PDZD4: variants seen among roughly 807,000 people sequenced by gnomAD.
The protein encoded by PDZD4 is PDZ domain containing 4.
Under a neutral mutation model 38.5 loss-of-function variants are expected in PDZD4, and 9 were observed. That is an observed-to-expected ratio of 0.23 (90% CI 0.14 to 0.41). The LOEUF (loss-of-function observed/expected upper bound fraction) is 0.41, where lower values mean the gene tolerates loss of function less well. Among genes scored for constraint, PDZD4 ranks in the 10% least tolerant of loss-of-function variants. The probability of loss-of-function intolerance (pLI) is 1.00; values close to 1 mark genes in which losing one functional copy is unlikely to be tolerated. For synonymous variants in PDZD4, 349 were observed against 315.7 expected, an observed-to-expected ratio of 1.11 and a Z score of -1.12; for missense variants, 612 against 722.0, an observed-to-expected ratio of 0.85 and a Z score of 1.75.
chrX:153,802,890 A>C lies in PDZD4; in HGVS notation c.*463T>G. On this transcript the variant is annotated 3_prime_UTR_variant, in exon 8 of 8. Transcript: ENST00000393758. ...ACAAAAATCAGGGGTGCCTTTGTCTACAAATAACTGCAGTGCGCAGCGGCG... is the reference window on the plus strand; with the variant it reads ...ACAAAAATCAGGGGTGCCTTTGTCTCCAAATAACTGCAGTGCGCAGCGGCG... 8.5e-6 allele frequency: 1 copy of C among 118,013 alleles called. No homozygotes were observed. Among genetic ancestry groups the C allele is most frequent in the Non-Finnish European group, 1.8e-5 (1 of 56,088 alleles). The allele number at this position is 118,013 out of a possible 1,213,427, so 9.7% of individuals were successfully genotyped here. A position where few individuals can be genotyped will look rare whatever the true frequency, so the allele number is the denominator to read the frequency against.
intron 1 of PDZD4, among the ~76,000 whole-genome samples, chrX:153,809,928 C>T (rs935498183): frequency 7.1e-5 from 8 of 112,966 alleles, no homozygotes; most frequent in Non-Finnish European, 9.4e-5. Flanking sequence ...AAGCCCATTA[C>T]GCACAGCGCA....
intron 1 of PDZD4, among the ~76,000 whole-genome samples, chrX:153,822,673 CTCTG>C (rs1569543785): frequency 2.8e-5 from 3 of 108,092 alleles, no homozygotes; most frequent in East Asian, 2.9e-4. Context: ...CTCTCTTTCT[CTCTG>C]TCTTTCTTTC....
At chrX:153,822,204 AAAC>A (rs200188183) in intron 1 of PDZD4, among the ~76,000 whole-genome samples, 3 of 103,386 alleles carry the variant, frequency 2.9e-5, no homozygotes, top group East Asian at 3.3e-4. Context: ...AAAAAAAAAA[AAAC>A]ACACAGGAAA....
At position 153,829,700 on chromosome X, in the gene PDZD4, C is replaced by T. The variant is rs1352772560; in HGVS notation, c.60+539G>A. ...GCCAGGCACTGCCACCCGCAGAGAG[C>T]CCAACCCGCTGATCCCGGCGGCGCC... On this transcript the variant is annotated intron_variant, in intron 1 of 7. Transcript: ENST00000393758. 6.6e-6 allele frequency: 5 copies of T among 752,509 alleles called. No individual in the cohort carries two copies. The African/African-American group carries it at 9.2e-5, about 14-fold the overall frequency. 62.0% of individuals were successfully genotyped at this position (752,509 alleles called of 1,213,427 possible). A position where few individuals can be genotyped will look rare whatever the true frequency, so the allele number is the denominator to read the frequency against.
chrX:153,803,200 A>T lies in PDZD4; in HGVS notation c.*153T>A. On this transcript the variant is annotated 3_prime_UTR_variant, in exon 8 of 8. Transcript: ENST00000393758. ...CTCAGGGGCTTCTCTCTGCTAACAA[A>T]GCCCTGTGCGCACACCCAGACGAGG... The T allele has an allele frequency of 2.9e-6, 1 of 344,044 alleles. No individual in the cohort carries two copies. Among genetic ancestry groups the T allele is most frequent in the Non-Finnish European group, 4.7e-6 (1 of 213,914 alleles). The allele number at this position is 344,044 out of a possible 1,213,427, so 28.4% of individuals were successfully genotyped here. A position where few individuals can be genotyped will look rare whatever the true frequency, so the allele number is the denominator to read the frequency against.
intron 2 of PDZD4, 153 bp downstream of exon 2, chrX:153,808,189 A>T: frequency 1.9e-6 from 2 of 1,069,860 alleles, no homozygotes; most frequent in Non-Finnish European, 2.4e-6. Flanking sequence ...CCAAGGCTAG[A>T]GGCCTGGAGG....
intron 1 of PDZD4, among the ~76,000 whole-genome samples, chrX:153,810,261 C>G (rs1431624790): frequency 8.9e-6 from 1 of 112,456 alleles, no homozygotes; most frequent in Non-Finnish European, 1.9e-5. Context: ...AATGGCTATG[C>G]CCCGCAGGTG....
At chrX:153,829,809 C>T in intron 1 of PDZD4, 2 of 759,549 alleles carry the variant, frequency 2.6e-6, no homozygotes, top group Admixed American at 8.4e-5. Flanking sequence ...GGCACCCAGC[C>T]CCCGGACGGA....
intron 5 of PDZD4, 90 bp from the exon 6 acceptor site, chrX:153,805,696 C>T (rs782046403): frequency 1.4e-5 from 10 of 705,314 alleles, no homozygotes; most frequent in African/African-American, 2.1e-5. Flanking sequence ...GCACTCTGGG[C>T]TCGGCTGGGC....
chrX:153,824,875 G>A (rs2064464205), intron 1 of PDZD4, among the ~76,000 whole-genome samples: 1 of 112,003 alleles, frequency 8.9e-6, no homozygotes. Flanking sequence ...GCGCATGCCT[G>A]TAATCCCAGC....
At chrX:153,807,896 C>T in intron 2 of PDZD4, 2 of 982,379 alleles carry the variant, frequency 2.0e-6, no homozygotes, top group Non-Finnish European at 2.6e-6. Flanking sequence ...GCAGCGCTCA[C>T]GCGGTCATGA....
intron 1 of PDZD4, among the ~76,000 whole-genome samples, chrX:153,827,932 G>C (rs782134648): frequency 1.6e-4 from 18 of 112,229 alleles, no homozygotes; most frequent in African/African-American, 5.2e-4. Context: ...GGCTAGGCTA[G>C]AGACTTGGGG....
intron 1 of PDZD4, 176 bp downstream of exon 1, chrX:153,830,063 C>T: frequency 1.8e-6 from 1 of 571,377 alleles, no homozygotes; most frequent in East Asian, 4.7e-5. Flanking sequence ...CCACCCGTGG[C>T]TGGTTCCCAC....
chrX:153,817,784 G>A (rs2064377976), intron 1 of PDZD4, among the ~76,000 whole-genome samples: 1 of 112,168 alleles, frequency 8.9e-6, no homozygotes, highest in South Asian at 3.7e-4. Flanking sequence ...TCAGGGATTA[G>A]GCCCAGGGCA....
intron 1 of PDZD4, among the ~76,000 whole-genome samples, chrX:153,824,302 G>A (rs1339976142): frequency 9.0e-6 from 1 of 111,348 alleles, no homozygotes; most frequent in Non-Finnish European, 1.9e-5. Context: ...GAAGATGGCA[G>A]TCAGAATTCA....
At position 153,830,358 on chromosome X, in the gene PDZD4, G is replaced by C; in HGVS notation, c.-60C>G. ...ACGGGAAGACGCCTTTCACTGACCC[G>C]GGCGCGGGACCTCGGGTCCCGGGCC... On this transcript the variant is annotated 5_prime_UTR_variant, in exon 1 of 8. Coordinates refer to ENST00000393758, the MANE Select transcript of PDZD4 (RefSeq NM_001303512.2). 1 of 1,111,147 alleles carries C rather than the reference G, an allele frequency of 9.0e-7. No individual in the cohort carries two copies. The highest frequency in any genetic ancestry group is 1.2e-6 in the Non-Finnish European group (1 of 813,020). The allele number at this position is 1,111,147 out of a possible 1,213,427, so 91.6% of individuals were successfully genotyped here. A position where few individuals can be genotyped will look rare whatever the true frequency, so the allele number is the denominator to read the frequency against.
intron 1 of PDZD4, among the ~76,000 whole-genome samples, chrX:153,811,827 G>C (rs1557078816): frequency 2.7e-5 from 3 of 111,961 alleles, no homozygotes. Context: ...GAAGAGGGTG[G>C]GCGGCAGCAG....
chrX:153,804,939 C>T (rs1557076399), intron 7 of PDZD4, 39 bp from the exon 8 acceptor site: 8 of 1,168,438 alleles, frequency 6.8e-6, no homozygotes, highest in Middle Eastern at 2.4e-4. Context: ...TTAGGTCCCA[C>T]GGACAGGGAT....
intron 1 of PDZD4, among the ~76,000 whole-genome samples, chrX:153,815,023 T>C (rs781992908): frequency 8.9e-6 from 1 of 112,752 alleles, no homozygotes. Context: ...AAGATGAAAA[T>C]ACAAGTCCCT....
Sources: gnomAD v4.1 joint callset for allele counts (sites outside exome capture counted in the v4.1 genomes callset) on GRCh38, gnomAD v4.1.1 for gene constraint, MANE v1.5 for transcripts, NCBI Gene and HGNC (gene_info 2026-07-23, HGNC 2026-07-21) for gene names.